SUMF1: variants seen among roughly 807,000 people sequenced by gnomAD.
SUMF1 encodes formylglycine-generating enzyme.
In SUMF1, 48 loss-of-function variants were observed where a neutral mutation model predicts 47.6. That is an observed-to-expected ratio of 1.01 (90% CI 0.80 to 1.28). The LOEUF is 1.28. Ranked by LOEUF, SUMF1 falls within the 50% of genes most tolerant of loss-of-function variation. The pLI is 0.00. For synonymous variants in SUMF1, 230 were observed against 192.1 expected, an observed-to-expected ratio of 1.20 and a Z score of -1.63; for missense variants, 571 against 485.4, an observed-to-expected ratio of 1.18 and a Z score of -1.66.
chr3:4,082,792 G>A (rs1415321830), intron 8 of SUMF1, among the ~76,000 whole-genome samples: 1 of 152,084 alleles, frequency 6.6e-6, no homozygotes, highest in Non-Finnish European at 1.5e-5. Context: ...GAGAGAATGG[G>A]TATGATTTCA....
At chr3:4,264,600 A>T (rs150880666) in intron 8 of SUMF1, among the ~76,000 whole-genome samples, 47 of 152,262 alleles carry the variant, frequency 3.1e-4, no homozygotes, top group Admixed American at 8.5e-4. Context: ...CCCTTTCAGT[A>T]CTTTTAAAGT....
intron 8 of SUMF1, among the ~76,000 whole-genome samples, chr3:4,071,286 T>C (rs553291678): frequency 3.5e-4 from 53 of 152,084 alleles, no homozygotes; most frequent in East Asian, 1.9e-4. Context: ...GTTCATCTCA[T>C]TGAGACTGGA....
intron 8 of SUMF1, among the ~76,000 whole-genome samples, chr3:4,083,552 C>T (rs1193850626): frequency 2.6e-5 from 4 of 152,068 alleles, no homozygotes; most frequent in Non-Finnish European, 5.9e-5. Flanking sequence ...ATCTAATTCC[C>T]CCAATATTCT....
intron 9 of SUMF1, among the ~76,000 whole-genome samples, chr3:4,066,124 A>G (rs534227003): frequency 6.6e-6 from 1 of 152,142 alleles, no homozygotes; most frequent in East Asian, 1.9e-4. Flanking sequence ...GGGAAACAGA[A>G]GACATTCAGC....
intron 8 of SUMF1, chr3:4,316,585 C>T (rs1206271641): frequency 1.1e-5 from 17 of 1,551,642 alleles, no homozygotes; most frequent in Non-Finnish European, 1.3e-5. Flanking sequence ...CATGAGCTGA[C>T]TGAAAATCAA....
intron 9 of SUMF1, among the ~76,000 whole-genome samples, chr3:4,046,599 C>T (rs1339419322): frequency 6.6e-6 from 1 of 152,218 alleles, no homozygotes; most frequent in Non-Finnish European, 1.5e-5. Flanking sequence ...TCCTCAACTA[C>T]CCATTCCCTT....
intron 8 of SUMF1, among the ~76,000 whole-genome samples, chr3:4,322,146 G>T (rs1396923448): frequency 6.6e-6 from 1 of 152,108 alleles, no homozygotes; most frequent in Non-Finnish European, 1.5e-5. Context: ...AGGAGTCAAA[G>T]AAGACATGAT....
intron 1 of SUMF1, among the ~76,000 whole-genome samples, chr3:4,462,557 T>C (rs912989159): frequency 2.0e-5 from 3 of 152,222 alleles, no homozygotes; most frequent in African/African-American, 7.2e-5. Flanking sequence ...TTTCACTTGC[T>C]ACCGTAAGAT....
intron 8 of SUMF1, chr3:4,313,364 C>CA: frequency 1.2e-6 from 2 of 1,613,964 alleles, no homozygotes; most frequent in Non-Finnish European, 1.7e-6. Flanking sequence ...GTAATGGAAA[C>CA]ATTTGTTGAC....
chr3:4,395,789 C>T (rs566802683), intron 7 of SUMF1, among the ~76,000 whole-genome samples: 1 of 152,256 alleles, frequency 6.6e-6, no homozygotes, highest in Non-Finnish European at 1.5e-5. Context: ...ACTTTCAGAC[C>T]CCAAAGTCTA....
chr3:4,163,029 G>C (rs920251663), intron 8 of SUMF1, among the ~76,000 whole-genome samples: 1 of 151,804 alleles, frequency 6.6e-6, no homozygotes, highest in South Asian at 2.1e-4. Context: ...TTCTTATTTA[G>C]CCCAACTGAA....
intron 1 of SUMF1, among the ~76,000 whole-genome samples, chr3:4,455,919 G>C (rs989994874): frequency 6.6e-6 from 1 of 150,956 alleles, no homozygotes; most frequent in East Asian, 1.9e-4. Context: ...AATACTACTA[G>C]AAGAAAAAAA....
intron 1 of SUMF1, 57 bp downstream of exon 1, chr3:4,466,917 TCC>T: frequency 6.3e-7 from 1 of 1,582,968 alleles, no homozygotes; most frequent in Non-Finnish European, 8.6e-7. Context: ...CTTTGCCTAC[TCC>T]AACCCCGTCC....
At chr3:4,254,408 G>A (rs1179016851) in intron 8 of SUMF1, among the ~76,000 whole-genome samples, 1 of 150,628 alleles carries the variant, frequency 6.6e-6, no homozygotes, top group Non-Finnish European at 1.5e-5. Context: ...CCAATACAGA[G>A]AAGTGCTTAA....
rs543276394 is a variant in SUMF1 at position 4,248,066 on chromosome 3, G to A, written c.1014+128264C>T. Among the ~76,000 whole-genome samples the A allele has an allele frequency of 7.2e-5, 11 of 152,268 alleles. No individual in the cohort carries two copies. The South Asian group carries it at 2.3e-3, about 32-fold the overall frequency. On this transcript the variant is annotated intron_variant and NMD_transcript_variant, in intron 8 of 12. Coordinates refer to the SUMF1 transcript ENST00000448413. ...TTAGTGATGGTGATGGCATTATCAT[G>A]GCTTTTGATATTACTAGTATTAATT...
intron 8 of SUMF1, among the ~76,000 whole-genome samples, chr3:4,108,343 C>A (rs557816481): frequency 2.0e-5 from 3 of 152,196 alleles, no homozygotes; most frequent in Admixed American, 2.0e-4. Flanking sequence ...TTACTTCCAA[C>A]TAAGTGGTCA....
intron 8 of SUMF1, among the ~76,000 whole-genome samples, chr3:4,326,124 CT>C (rs1698939923): frequency 6.6e-6 from 1 of 152,188 alleles, no homozygotes; most frequent in Non-Finnish European, 1.5e-5. Flanking sequence ...GCCCAGCTAT[CT>C]TTTGAAACAT....
intron 8 of SUMF1, among the ~76,000 whole-genome samples, chr3:4,123,807 T>A (rs1693597065): frequency 6.6e-6 from 1 of 152,122 alleles, no homozygotes; most frequent in African/African-American, 2.4e-5. Flanking sequence ...TCTGAGGTCT[T>A]GTTCTTGTAT....
chr3:4,145,975 A>C (rs2125100811), intron 8 of SUMF1, among the ~76,000 whole-genome samples: 1 of 152,182 alleles, frequency 6.6e-6, no homozygotes, highest in South Asian at 2.1e-4. Flanking sequence ...CCATGAGCTA[A>C]CAGAGAGGGA....
Sources: gnomAD v4.1 joint callset for allele counts (sites outside exome capture counted in the v4.1 genomes callset) on GRCh38, gnomAD v4.1.1 for gene constraint, MANE v1.5 for transcripts, NCBI Gene and HGNC (gene_info 2026-07-23, HGNC 2026-07-21) for gene names.